STPG2: variants seen among roughly 807,000 people sequenced by gnomAD.
STPG2 encodes sperm tail PG-rich repeat containing 2.
Under a neutral mutation model 54.2 loss-of-function variants are expected in STPG2, and 56 were observed. The observed-to-expected ratio is 1.03, with a 90% confidence interval of 0.83 to 1.29. The LOEUF is 1.29. STPG2 is among the 50% of genes most tolerant of loss of function. The pLI, the probability that STPG2 is intolerant of heterozygous loss-of-function variation, is 0.00. For missense variants in STPG2, 596 were observed against 544.9 expected (o/e 1.09, Z -0.93); for synonymous variants, 200 against 181.8 (o/e 1.10, Z -0.81).
intron 8 of STPG2, among the ~76,000 whole-genome samples, chr4:97,931,359 T>C (rs756938261): frequency 6.6e-6 from 1 of 152,230 alleles, no homozygotes; most frequent in Non-Finnish European, 1.5e-5. Flanking sequence ...AAATATTCAT[T>C]CAATACCTAG....
chr4:97,900,841 G>C (rs1731149332), intron 8 of STPG2, among the ~76,000 whole-genome samples: 1 of 151,954 alleles, frequency 6.6e-6, no homozygotes, highest in African/African-American at 2.4e-5. Context: ...TAATGCCTGG[G>C]TAACGAAATA....
chr4:97,976,304 T>C (rs1222277766), intron 6 of STPG2, among the ~76,000 whole-genome samples: 1 of 152,170 alleles, frequency 6.6e-6, no homozygotes, highest in African/African-American at 2.4e-5. Flanking sequence ...ACTTAAGATA[T>C]ATAAATAACA....
At chr4:97,503,106 C>T (rs1367810168) in intron 4 of STPG2, among the ~76,000 whole-genome samples, 1 of 151,822 alleles carries the variant, frequency 6.6e-6, no homozygotes, top group Non-Finnish European at 1.5e-5. Context: ...TTGATTATTT[C>T]CTTTTATTTA....
intron 10 of STPG2, among the ~76,000 whole-genome samples, chr4:97,655,441 T>C (rs952012598): frequency 1.3e-5 from 2 of 152,114 alleles, no homozygotes; most frequent in African/African-American, 2.4e-5. Context: ...TGTCTTATCT[T>C]TTCAGGGATA....
chr4:97,632,919 T>C (rs1010459300), intron 10 of STPG2, among the ~76,000 whole-genome samples: 1 of 152,124 alleles, frequency 6.6e-6, no homozygotes, highest in African/African-American at 2.4e-5. Flanking sequence ...ATGCTTATTA[T>C]ATGCCATGCA....
At chr4:98,123,450 G>A (rs971451867) in intron 3 of STPG2, among the ~76,000 whole-genome samples, 2 of 152,096 alleles carry the variant, frequency 1.3e-5, no homozygotes, top group African/African-American at 4.8e-5. Context: ...TATTTACCCA[G>A]GAGTCATTCA....
intron 10 of STPG2, among the ~76,000 whole-genome samples, chr4:97,615,793 C>A (rs1426667680): frequency 6.6e-6 from 1 of 151,290 alleles, no homozygotes; most frequent in Non-Finnish European, 1.5e-5. Flanking sequence ...AATCCCAACA[C>A]TGGGAGGCCG....
At chr4:97,562,122 AGT>A (rs1732268679) in intron 10 of STPG2, among the ~76,000 whole-genome samples, 1 of 152,054 alleles carries the variant, frequency 6.6e-6, no homozygotes, top group Admixed American at 6.5e-5. Flanking sequence ...TTCATTGAGC[AGT>A]GGTTTGTAGT....
At chr4:97,741,114 A>G (rs779852801) in intron 9 of STPG2, among the ~76,000 whole-genome samples, 8 of 152,220 alleles carry the variant, frequency 5.3e-5, no homozygotes, top group Non-Finnish European at 1.2e-4. Context: ...CAATAGGGAA[A>G]GGATTCCCTA....
intron 9 of STPG2, among the ~76,000 whole-genome samples, chr4:97,734,832 G>C (rs547472879): frequency 1.2e-3 from 190 of 152,120 alleles, no homozygotes; most frequent in South Asian, 0.012. Context: ...TAGCACTTTG[G>C]GGGGCCGAGG....
At chr4:97,696,007 A>C (rs978899718) in intron 10 of STPG2, among the ~76,000 whole-genome samples, 4 of 152,016 alleles carry the variant, frequency 2.6e-5, no homozygotes, top group Admixed American at 2.0e-4. Flanking sequence ...TAGAACTAGA[A>C]AAAAAAACCT....
intron 8 of STPG2, among the ~76,000 whole-genome samples, chr4:97,864,137 A>C (rs1441502851): frequency 6.6e-6 from 1 of 152,198 alleles, no homozygotes; most frequent in African/African-American, 2.4e-5. Context: ...GTATTCAATT[A>C]GGAAAAGAGG....
intron 10 of STPG2, among the ~76,000 whole-genome samples, chr4:97,655,262 G>A (rs545764238): frequency 1.8e-4 from 28 of 152,168 alleles, no homozygotes; most frequent in Admixed American, 1.6e-3. Context: ...CCAAACGTTT[G>A]TATATATTAT....
At chr4:97,866,667 C>CT (rs546500122) in intron 8 of STPG2, among the ~76,000 whole-genome samples, 1 of 151,728 alleles carries the variant, frequency 6.6e-6, no homozygotes, top group Admixed American at 6.6e-5. Flanking sequence ...GGATCATAAA[C>CT]TTTTTTTTCA....
intron 5 of STPG2, among the ~76,000 whole-genome samples, chr4:97,992,217 T>G (rs1481501041): frequency 6.6e-6 from 1 of 152,190 alleles, no homozygotes; most frequent in Non-Finnish European, 1.5e-5. Context: ...TCTTCTAGAA[T>G]TTTTAGGGTT....
At chr4:97,904,623 C>A (rs529049611) in intron 8 of STPG2, among the ~76,000 whole-genome samples, 1 of 152,144 alleles carries the variant, frequency 6.6e-6, no homozygotes, top group Non-Finnish European at 1.5e-5. Flanking sequence ...CTTTGACGAG[C>A]TGATAGAAGA....
chr4:97,615,414 T>G (rs899375705), intron 10 of STPG2, among the ~76,000 whole-genome samples: 1 of 152,096 alleles, frequency 6.6e-6, no homozygotes, highest in Non-Finnish European at 1.5e-5. Context: ...ATAAAATTTT[T>G]CATTTACTAA....
At chr4:98,094,951 C>A (rs938925899) in intron 5 of STPG2, among the ~76,000 whole-genome samples, 4 of 151,726 alleles carry the variant, frequency 2.6e-5, no homozygotes, top group Admixed American at 1.3e-4. Flanking sequence ...GTATAAAGAC[C>A]AAATGATGAA....
chr4:97,858,907 A>T (rs769445133), intron 8 of STPG2, among the ~76,000 whole-genome samples: 1 of 152,186 alleles, frequency 6.6e-6, no homozygotes, highest in Non-Finnish European at 1.5e-5. Flanking sequence ...CTCTGGGTAG[A>T]TACCCAGTAG....
Sources: gnomAD v4.1 joint callset for allele counts (sites outside exome capture counted in the v4.1 genomes callset) on GRCh38, gnomAD v4.1.1 for gene constraint, MANE v1.5 for transcripts, NCBI Gene and HGNC (gene_info 2026-07-23, HGNC 2026-07-21) for gene names.